MAX: variants seen among roughly 807,000 people sequenced by gnomAD.
MAX encodes the protein MYC associated transcriptional regulator X, also known as protein max.
Under a neutral mutation model 22.3 loss-of-function variants are expected in MAX, and 3 were observed. The observed-to-expected ratio is 0.13, with a 90% CI of 0.06 to 0.35. The LOEUF (loss-of-function observed/expected upper bound fraction) is 0.35. MAX is among the 10% of genes least tolerant of loss of function. MAX has a pLI of 1.00. For missense variants in MAX, 119 were observed against 209.4 expected, an observed-to-expected ratio of 0.57 and a Z score of 2.66; for synonymous variants, 72 against 77.7, an observed-to-expected ratio of 0.93 and a Z score of 0.39.
At chr14:65,015,607 C>G (rs1317948511) in intron 3 of MAX, 1 of 1,613,630 alleles carries the variant, frequency 6.2e-7, no homozygotes, top group Non-Finnish European at 8.5e-7. Flanking sequence ...GATGTTTTCT[C>G]TCCTGTCTCT....
At chr14:65,018,239 GC>G (rs1437037154) in intron 3 of MAX, among the ~76,000 whole-genome samples, 1 of 152,052 alleles carries the variant, frequency 6.6e-6, no homozygotes, top group African/African-American at 2.4e-5. Context: ...TGCTCAGGAG[GC>G]CGAGACAGGA....
At position 65,025,928 on chromosome 14, in the gene MAX, C is replaced by T. The variant is rs545137153; in HGVS notation, c.172-19644G>A. Reference sequence around the variant, plus strand: ...CAAAAAGAAGTATGTGTTGTTTTAACCTGTGACGTTTCAGAACTCACAGAG... The same window carrying T: ...CAAAAAGAAGTATGTGTTGTTTTAATCTGTGACGTTTCAGAACTCACAGAG... On this transcript the variant is annotated intron_variant, in intron 3 of 3. Transcript: ENST00000341653. 2.0e-5 allele frequency among the ~76,000 whole-genome samples: 3 copies of T among 152,330 alleles called. No homozygotes were observed. The South Asian group carries it at 6.2e-4, about 32-fold the overall frequency.
In MAX at chr14:65,014,691, G is replaced by A. The variant is rs149815249; in HGVS notation, c.172-8407C>T. ...TAGCCAGGCATAGTGGTGTGTGCCC[G>A]TAGTCCCAGCTACTTAGGAGGCTGA... is the stretch of plus-strand genomic sequence containing the variant. On this transcript the variant is annotated intron_variant, in intron 3 of 3. Coordinates refer to the MAX transcript ENST00000341653. The surrounding 1 kb of genome is among the most constrained non-coding windows in gnomAD (Gnocchi z 5.1). 2.6e-5 allele frequency among the ~76,000 whole-genome samples: 4 copies of A among 152,242 alleles called. No individual in the cohort carries two copies. The highest frequency in any genetic ancestry group is 2.1e-4 in the South Asian group (1 of 4,820).
rs1245048131 is a variant in MAX at position 65,030,593 on chromosome 14, T to A, written c.172-24309A>T. Among the ~76,000 whole-genome samples the A allele has an allele frequency of 6.6e-6, 1 of 151,988 alleles. No homozygotes were observed. The highest frequency in any genetic ancestry group is 1.5e-5 in the Non-Finnish European group (1 of 67,982). On this transcript the variant is annotated intron_variant, in intron 3 of 3. Coordinates refer to the MAX transcript ENST00000341653. This position sits in a 1 kb window ranked among gnomAD's most constrained non-coding sequence, Gnocchi z 4.5. The stretch of plus-strand genomic sequence containing the variant: ...GTCTCTACAAAAAATTTTTAAAAAA[T>A]TAGCCAGGTGTGGTGGCATGCATCT...
In MAX at chr14:65,078,224, A is replaced by G. The variant is rs535059272; in HGVS notation, c.172-188T>C. On this transcript the variant is annotated intron_variant, in intron 3 of 4. Coordinates refer to ENST00000358664, the MANE Select transcript of MAX (RefSeq NM_002382.5). This position sits in a 1 kb window ranked among gnomAD's most constrained non-coding sequence, Gnocchi z 6.4. ...ATTTATTTTTTTATTTTTTTGAGACAGAGTTTCGCTCTTGTTGCCCAAGCT... is the reference window on the plus strand; with the variant it reads ...ATTTATTTTTTTATTTTTTTGAGACGGAGTTTCGCTCTTGTTGCCCAAGCT... 6.4e-4 allele frequency among the ~76,000 whole-genome samples: 97 copies of G among 150,584 alleles called. 1 individual carries two copies. Among genetic ancestry groups the G allele is most frequent in the African/African-American group, 2.3e-3 (94 of 40,076 alleles).
At chr14:65,081,435 AAC>A (rs952396676) in intron 3 of MAX, among the ~76,000 whole-genome samples, 3 of 152,204 alleles carry the variant, frequency 2.0e-5, no homozygotes, top group African/African-American at 7.2e-5. Flanking sequence ...CATGTGGCCA[AAC>A]ACAGGATGAA....
chr14:65,056,540 T>C (rs957828716), intron 3 of MAX, among the ~76,000 whole-genome samples: 9 of 152,084 alleles, frequency 5.9e-5, no homozygotes, highest in African/African-American at 2.2e-4. Context: ...GGGTGTGAAG[T>C]GGTATTTGTT....
Position 65,054,369 on chromosome 14 carries a change from C to T in MAX, c.171+39339G>A, listed in dbSNP as rs139963276. Among the ~76,000 whole-genome samples the T allele has an allele frequency of 7.9e-5, 12 of 151,898 alleles. No homozygotes were observed. Among genetic ancestry groups the T allele is most frequent in the Non-Finnish European group, 1.5e-4 (10 of 67,996 alleles). On this transcript the variant is annotated intron_variant, in intron 3 of 3. Transcript: ENST00000341653. The surrounding 1 kb of genome is among the most constrained non-coding windows in gnomAD (Gnocchi z 4.4). ...CAAACCGTTCTCTTGCCTCAGCCTC[C>T]TGCTTGCTGGGATTATGGGTGTGAG...
intron 3 of MAX, among the ~76,000 whole-genome samples, chr14:65,021,715 A>G (rs915873648): frequency 1.3e-5 from 2 of 152,112 alleles, no homozygotes; most frequent in African/African-American, 4.8e-5. Context: ...GTGCAATCTC[A>G]GCTCACTGCA....
intron 3 of MAX, among the ~76,000 whole-genome samples, chr14:65,040,207 A>G (rs1051947497): frequency 3.3e-5 from 5 of 151,408 alleles, no homozygotes; most frequent in African/African-American, 4.9e-5. Context: ...ACTAGAATCA[A>G]CAATCACTCT....
Position 65,054,862 on chromosome 14 carries a change from G to T in MAX, c.171+38846C>A, listed in dbSNP as rs574911750. On this transcript the variant is annotated intron_variant, in intron 3 of 3. Coordinates refer to the MAX transcript ENST00000341653. This position sits in a 1 kb window ranked among gnomAD's most constrained non-coding sequence, Gnocchi z 4.4. ...GTGAGGATGTGACCACAGAGGAGAC[G>T]CACCTCTGGGCAAGCTCAGGGTTCC... Among the ~76,000 whole-genome samples the T allele has an allele frequency of 6.6e-6, 1 of 152,186 alleles. No individual in the cohort carries two copies. Among genetic ancestry groups the T allele is most frequent in the Non-Finnish European group, 1.5e-5 (1 of 68,044 alleles).
In MAX at chr14:65,062,481, A is replaced by C. The variant is rs1448121045; in HGVS notation, c.171+31227T>G. ...GAGTATCAAGTTGGGCCATCTGTCTACTGACCTGGCCTTCATGTAAGCAGC... is the reference window on the plus strand; with the variant it reads ...GAGTATCAAGTTGGGCCATCTGTCTCCTGACCTGGCCTTCATGTAAGCAGC... On this transcript the variant is annotated intron_variant, in intron 3 of 3. Transcript: ENST00000341653. This position sits in a 1 kb window ranked among gnomAD's most constrained non-coding sequence, Gnocchi z 4.3. 1 of 152,688 alleles carries C rather than the reference A, an allele frequency of 6.5e-6. No homozygotes were observed. Among genetic ancestry groups the C allele is most frequent in the Admixed American group, 6.5e-5 (1 of 15,278 alleles). The allele number at this position is 152,688 out of a possible 1,614,324, so 9.5% of individuals were successfully genotyped here.
chr14:65,100,399 G>A (rs1012510850), intron 2 of MAX, among the ~76,000 whole-genome samples: 4 of 152,150 alleles, frequency 2.6e-5, no homozygotes, highest in Admixed American at 1.3e-4. Flanking sequence ...GCAGTAAGCC[G>A]AGATAGCGCC....
chr14:65,076,951 C>T lies in MAX; in HGVS notation c.296-288G>A. Reference sequence around the variant, plus strand: ...CTGCCGTGGAAGCCCCGTGGAGAGACTGGAGCGTGAGCTCCCTGTGGGATT... The same window carrying T: ...CTGCCGTGGAAGCCCCGTGGAGAGATTGGAGCGTGAGCTCCCTGTGGGATT... On this transcript the variant is annotated intron_variant, in intron 4 of 4. Transcript: ENST00000358664. The surrounding 1 kb of genome is among the most constrained non-coding windows in gnomAD (Gnocchi z 6.6). 1.8e-6 allele frequency: 1 copy of T among 566,752 alleles called. No individual in the cohort carries two copies. Among genetic ancestry groups the T allele is most frequent in the Non-Finnish European group, 3.2e-6 (1 of 316,998 alleles). The allele number at this position is 566,752 out of a possible 1,614,324, so 35.1% of individuals were successfully genotyped here.
Position 65,075,450 on chromosome 14 carries a change from C to G in MAX, c.*1026G>C. 9.4e-7 allele frequency: 1 copy of G among 1,064,258 alleles called. No individual in the cohort carries two copies. Among genetic ancestry groups the G allele is most frequent in the East Asian group, 5.0e-5 (1 of 19,884 alleles). The allele number at this position is 1,064,258 out of a possible 1,614,324, so 65.9% of individuals were successfully genotyped here. A position where few individuals can be genotyped will look rare whatever the true frequency, so the allele number is the denominator to read the frequency against. On this transcript the variant is annotated 3_prime_UTR_variant, in exon 5 of 5. Coordinates refer to ENST00000358664, the MANE Select transcript of MAX (RefSeq NM_002382.5). This position sits in a 1 kb window ranked among gnomAD's most constrained non-coding sequence, Gnocchi z 4.1. ...GGATGAGGGCTGGGAAGGGTCCGCA[C>G]TGGGGTGCGGGTTTAGTACCAGGTA...
chr14:65,091,244 TAA>T (rs1466918521), intron 3 of MAX, among the ~76,000 whole-genome samples: 1 of 152,206 alleles, frequency 6.6e-6, no homozygotes, highest in East Asian at 1.9e-4. Context: ...TGAGAACTGA[TAA>T]GTCTAAGGGA....
chr14:65,095,545 C>A (rs576572009), intron 2 of MAX, among the ~76,000 whole-genome samples: 10 of 152,338 alleles, frequency 6.6e-5, no homozygotes, highest in African/African-American at 2.4e-4. Context: ...TTTGAACTTA[C>A]TGTTGTTCCC....
Position 65,075,229 on chromosome 14 carries a change from T to C in MAX, c.*1247A>G. On this transcript the variant is annotated 3_prime_UTR_variant, in exon 5 of 5. Transcript: ENST00000358664. This position sits in a 1 kb window ranked among gnomAD's most constrained non-coding sequence, Gnocchi z 4.1. ...ATGTACAACATACTTTTTATTTCCA[T>C]GGAATGGAATCAAACACGAACTGAG... is the stretch of plus-strand genomic sequence containing the variant. 9.5e-7 allele frequency: 1 copy of C among 1,054,624 alleles called. No homozygotes were observed. Among genetic ancestry groups the C allele is most frequent in the Non-Finnish European group, 1.1e-6 (1 of 872,504 alleles). The allele number at this position is 1,054,624 out of a possible 1,614,324, so 65.3% of individuals were successfully genotyped here.
In MAX at chr14:65,077,815, TA is replaced by T; in HGVS notation, c.295+97del. ...AGGACCAAGCCTGCTACTGAGCACA[TA>T]CTCCATGACTGGCTCTGACTCTGCA... On this transcript the variant is annotated intron_variant, in intron 4 of 4. Coordinates refer to ENST00000358664, the MANE Select transcript of MAX (RefSeq NM_002382.5). The surrounding 1 kb of genome is among the most constrained non-coding windows in gnomAD (Gnocchi z 6.3). The T allele has an allele frequency of 6.2e-7, 1 of 1,614,148 alleles. No individual in the cohort carries two copies. The highest frequency in any genetic ancestry group is 8.5e-7 in the Non-Finnish European group (1 of 1,180,028).
Sources: allele counts gnomAD v4.1 joint callset (sites outside exome capture counted in the v4.1 genomes callset), GRCh38; gene constraint gnomAD v4.1.1; non-coding constraint Gnocchi (gnomAD v3.1); transcripts MANE v1.5; gene names NCBI Gene and HGNC (gene_info 2026-07-23, HGNC 2026-07-21).